NFATC3: variants seen among roughly 807,000 people sequenced by gnomAD.
NFATC3 encodes the protein nuclear factor of activated T cells 3.
NFATC3 carries 46 observed loss-of-function variants against 98.6 expected under a neutral mutation model. That is an observed-to-expected ratio of 0.47 (90% confidence interval 0.37 to 0.60). NFATC3 has a LOEUF of 0.60. NFATC3 is among the 20% of genes least tolerant of loss of function. The pLI, the probability that NFATC3 is intolerant of heterozygous loss-of-function variation, is 0.00. For synonymous variants in NFATC3, 512 were observed against 472.2 expected (o/e 1.08, Z -1.09); for missense variants, 1,256 against 1,295.5 (o/e 0.97, Z 0.47).
chr16:68,193,680 A>T (rs1477245154), intron 9 of NFATC3, among the ~76,000 whole-genome samples: 8 of 152,148 alleles, frequency 5.3e-5, no homozygotes, highest in Admixed American at 1.3e-4. Context: ...TCTAAAAAAA[A>T]TTAAAAAGCC....
At chr16:68,199,733 C>A (rs1249663684) in intron 9 of NFATC3, 1 of 151,712 alleles carries the variant, frequency 6.6e-6, no homozygotes, top group Non-Finnish European at 1.5e-5. Flanking sequence ...ACTACAGGCA[C>A]CCGCCACCAT....
At chr16:68,116,604 A>G (rs756655121) in intron 1 of NFATC3, among the ~76,000 whole-genome samples, 1 of 152,220 alleles carries the variant, frequency 6.6e-6, no homozygotes, top group Admixed American at 6.5e-5. Context: ...TGGGAAAAAG[A>G]TAAAGCAGCA....
intron 4 of NFATC3, among the ~76,000 whole-genome samples, chr16:68,165,372 GTCTTTTTTTTTTTCTTTT>G (rs1219467504): frequency 1.5e-5 from 2 of 132,262 alleles, no homozygotes; most frequent in Non-Finnish European, 3.3e-5. Context: ...TTTATTGGTT[GTCTTTTTTTTTTTCTTTT>G]TCTTTTTTTT....
intron 3 of NFATC3, among the ~76,000 whole-genome samples, chr16:68,147,545 T>G (rs1390876014): frequency 1.3e-5 from 2 of 152,228 alleles, no homozygotes; most frequent in African/African-American, 4.8e-5. Flanking sequence ...AGATGGATAC[T>G]GTCCTCTTCA....
intron 1 of NFATC3, among the ~76,000 whole-genome samples, chr16:68,091,267 C>T (rs2151440541): frequency 6.6e-6 from 1 of 152,072 alleles, no homozygotes; most frequent in East Asian, 1.9e-4. Context: ...TAAGTAAGGC[C>T]TGTATCTTAA....
rs748509689 is a variant in NFATC3 at position 68,191,099 on chromosome 16, G to A, written c.2430G>A (p.Val810=). The change falls in exon 9 of 10, where the codon GTG becomes GTA. Residue 810 remains valine (V), a synonymous_variant. Coordinates refer to ENST00000346183, the MANE Select transcript of NFATC3 (RefSeq NM_173165.3). ...ATCAGCCTATGCAAACTAATGTTGTGTACAATGGACCAACTTGTCTTCCTA... is the reference window on the plus strand; with the variant it reads ...ATCAGCCTATGCAAACTAATGTTGTATACAATGGACCAACTTGTCTTCCTA... ...SSYQPMQTNV[V]YNGPTCLPIN... is the part of the protein sequence containing the mutation. 1.2e-6 allele frequency: 2 copies of A among 1,614,188 alleles called. No individual in the cohort carries two copies. Among genetic ancestry groups the A allele is most frequent in the Non-Finnish European group, 1.7e-6 (2 of 1,180,030 alleles).
At chr16:68,176,670 G>A (rs887048827) in intron 6 of NFATC3, among the ~76,000 whole-genome samples, 14 of 152,150 alleles carry the variant, frequency 9.2e-5, no homozygotes, top group Admixed American at 9.2e-4. Context: ...AGCTGTTGAG[G>A]TTGTTATGGA....
chr16:68,212,337 CT>C (rs1316949446), intron 9 of NFATC3: 1 of 151,988 alleles, frequency 6.6e-6, no homozygotes, highest in East Asian at 1.9e-4. Context: ...CTTTGTTTTT[CT>C]TTTTTTATCT....
rs148855257 is a variant in NFATC3 at position 68,176,514 on chromosome 16, T to G, written c.1915+2000T>G. ...ATGAATGTACCACAATTTATTATCC[T>G]TTCTCTTACTGGATATTTCGATATT... On this transcript the variant is annotated intron_variant, in intron 6 of 9. Transcript: ENST00000346183. Among the ~76,000 whole-genome samples the G allele has an allele frequency of 3.5e-3, 535 of 152,300 alleles. 11 individuals are homozygous for G. The East Asian group carries it at 0.073, about 21-fold the overall frequency.
chr16:68,212,290 C>G (rs2041440548), intron 9 of NFATC3: 1 of 152,120 alleles, frequency 6.6e-6, no homozygotes, highest in Admixed American at 6.5e-5. Context: ...GTTTTGACCC[C>G]TATAGTGAGG....
At chr16:68,092,742 CTGTT>C (rs1383240014) in intron 1 of NFATC3, among the ~76,000 whole-genome samples, 2 of 152,162 alleles carry the variant, frequency 1.3e-5, no homozygotes, top group Non-Finnish European at 2.9e-5. Context: ...CAAAAACAAA[CTGTT>C]AGTGCATCGA....
chr16:68,221,374 T>C, intron 9 of NFATC3: 2 of 1,563,248 alleles, frequency 1.3e-6, no homozygotes, highest in Admixed American at 3.8e-5. Context: ...TCGGCTCAAG[T>C]TATTGCTAAA....
intron 9 of NFATC3, chr16:68,217,988 C>T: frequency 8.4e-7 from 1 of 1,194,084 alleles, no homozygotes; most frequent in Non-Finnish European, 1.0e-6. Context: ...ACCATAGATA[C>T]CTTCTAAATT....
chr16:68,203,068 GT>G (rs1015785915), intron 9 of NFATC3, among the ~76,000 whole-genome samples: 1 of 152,224 alleles, frequency 6.6e-6, no homozygotes, highest in Admixed American at 6.5e-5. Flanking sequence ...GAAAGGTCTT[GT>G]AAATAATGCC....
intron 2 of NFATC3, among the ~76,000 whole-genome samples, chr16:68,123,405 TA>T (rs1231755326): frequency 4.0e-5 from 6 of 151,592 alleles, no homozygotes; most frequent in African/African-American, 1.5e-4. Flanking sequence ...TTATGCTTTG[TA>T]TTCCCAACAC....
At chr16:68,172,134 A>T (rs2039496671) in intron 5 of NFATC3, among the ~76,000 whole-genome samples, 1 of 152,100 alleles carries the variant, frequency 6.6e-6, no homozygotes, top group African/African-American at 2.4e-5. Flanking sequence ...CGCCTGGCCC[A>T]CGTAGGCATC....
chr16:68,100,130 C>T (rs1028777265), intron 1 of NFATC3, among the ~76,000 whole-genome samples: 2 of 152,104 alleles, frequency 1.3e-5, no homozygotes, highest in Admixed American at 1.3e-4. Context: ...GAAGGACATT[C>T]GGGTTATTTC....
intron 1 of NFATC3, among the ~76,000 whole-genome samples, chr16:68,104,944 G>A (rs748453808): frequency 6.6e-6 from 1 of 151,958 alleles, no homozygotes; most frequent in Non-Finnish European, 1.5e-5. Context: ...GTGAGCCACC[G>A]CACCTGGCCT....
intron 1 of NFATC3, among the ~76,000 whole-genome samples, chr16:68,104,766 T>G (rs1212272031): frequency 6.6e-6 from 1 of 151,632 alleles, no homozygotes; most frequent in Non-Finnish European, 1.5e-5. Context: ...GCCATTCTCC[T>G]GCCTCAGCCT....
Sources: allele counts gnomAD v4.1 joint callset (sites outside exome capture counted in the v4.1 genomes callset), GRCh38; gene constraint gnomAD v4.1.1; transcripts MANE v1.5; gene names NCBI Gene and HGNC (gene_info 2026-07-23, HGNC 2026-07-21).